GNS: variants seen among roughly 807,000 people sequenced by gnomAD.
GNS encodes glucosamine (N-acetyl)-6-sulfatase.
A neutral mutation model predicts 69.7 loss-of-function variants in GNS; 40 were observed. The observed-to-expected ratio is 0.57, with a 90% confidence interval of 0.45 to 0.75. The LOEUF (loss-of-function observed/expected upper bound fraction) is 0.75, where lower values mean the gene tolerates loss of function less well. Ranked by LOEUF, GNS falls within the 30% of genes least tolerant of loss-of-function variation. GNS has a pLI of 0.00. For synonymous variants in GNS, 243 were observed against 251.6 expected (o/e 0.97, Z 0.32); for missense variants, 565 against 685.5 (o/e 0.82, Z 1.96).
intron 1 of GNS, among the ~76,000 whole-genome samples, chr12:64,757,684 T>G (rs1037028042): frequency 6.6e-6 from 1 of 151,976 alleles, no homozygotes. Context: ...GAAAGAGAGA[T>G]AGATAATGAT....
chr12:64,746,986 CA>C (rs1488026498), intron 3 of GNS, among the ~76,000 whole-genome samples: 5 of 152,310 alleles, frequency 3.3e-5, no homozygotes, highest in African/African-American at 1.2e-4. Flanking sequence ...CTTGAACCCC[CA>C]CTTTAACTGT....
intron 13 of GNS, among the ~76,000 whole-genome samples, chr12:64,719,228 A>T (rs1868950455): frequency 6.6e-6 from 1 of 152,222 alleles, no homozygotes; most frequent in Non-Finnish European, 1.5e-5. Context: ...AATTTAATAC[A>T]AAGACGGCTA....
intron 4 of GNS, 150 bp downstream of exon 4, chr12:64,745,509 T>A (rs896517454): frequency 1.4e-6 from 1 of 707,124 alleles, no homozygotes; most frequent in African/African-American, 1.8e-5. Flanking sequence ...CGTGAGCCAC[T>A]ACACCTGGCC....
chr12:64,740,680 G>A lies in GNS; in HGVS notation c.801C>T (p.His267=), dbSNP rs758411953. The A allele has an allele frequency of 1.9e-6, 3 of 1,541,674 alleles. No individual in the cohort carries two copies. The highest frequency in any genetic ancestry group is 1.7e-5 in the Admixed American group (1 of 59,938). ...GAGTCTTGGCTTGCCTAATTAACCA[G>A]TGCTTGTTCTAAAATTTAGAAGAAA... is the stretch of plus-strand genomic sequence containing the variant. The part of the protein sequence containing the change: ...KNFNIHGTNK[H]WLIRQAKTPM... Residue 267 remains histidine, a synonymous_variant, in exon 7 of 14, where the codon CAC becomes CAT. Transcript: ENST00000258145.
intron 9 of GNS, among the ~76,000 whole-genome samples, chr12:64,735,010 C>T (rs752228826): frequency 2.0e-5 from 3 of 152,134 alleles, no homozygotes; most frequent in Non-Finnish European, 4.4e-5. Context: ...ACTAGGGAGG[C>T]TGGGCAGGAC....
At chr12:64,746,032 T>C (rs776477733) in intron 3 of GNS, 24 of 435,702 alleles carry the variant, frequency 5.5e-5, no homozygotes, top group Non-Finnish European at 8.8e-5. Flanking sequence ...ATGTGACAAT[T>C]ACATAAAATT....
In GNS at chr12:64,723,053, G is replaced by A. The variant is rs1177531995; in HGVS notation, c.1261C>T (p.Arg421Cys). The A allele has an allele frequency of 5.6e-6, 9 of 1,612,948 alleles. No homozygotes were observed. The highest frequency in any genetic ancestry group is 1.7e-4 in the Middle Eastern group (1 of 6,060). Residue 421 changes from arginine to cysteine, a missense_variant, in exon 11 of 14, where the codon CGT becomes TGT. Arg to Cys is a radical substitution (Grantham distance 180). Around this residue, in one of 2 missense-constraint regions of GNS, gnomAD observed 384 missense variants for 511.0 expected, o/e 0.75. Coordinates refer to ENST00000258145, the MANE Select transcript of GNS (RefSeq NM_002076.4). ...GGGCATGTTGGGTCAGTGACGTTAC[G>A]GCCTTCTCCTTGGTATTCCACCAGG... ...DVLVEYQGEG[R>C]NVTDPTCPSL...
chr12:64,741,378 C>T (rs969655237), intron 6 of GNS, among the ~76,000 whole-genome samples: 32 of 151,906 alleles, frequency 2.1e-4, no homozygotes, highest in African/African-American at 7.2e-4. Flanking sequence ...CTGTGCCTCC[C>T]GGGTTCATGC....
At chr12:64,717,003 GCA>G (rs1207251485) in intron 13 of GNS, among the ~76,000 whole-genome samples, 184 bp from the exon 14 acceptor site, 2 of 152,172 alleles carry the variant, frequency 1.3e-5, no homozygotes, top group Non-Finnish European at 1.5e-5. Context: ...TCACCAGTCA[GCA>G]CACACAAAGT....
chr12:64,726,786 G>A (rs764255018), intron 10 of GNS, among the ~76,000 whole-genome samples: 25 of 152,178 alleles, frequency 1.6e-4, no homozygotes, highest in Non-Finnish European at 3.5e-4. Flanking sequence ...GTGAGCCACT[G>A]CACCTGGCTC....
intron 7 of GNS, among the ~76,000 whole-genome samples, 169 bp downstream of exon 7, chr12:64,740,437 G>A (rs79372577): frequency 6.6e-6 from 1 of 152,176 alleles, no homozygotes; most frequent in Non-Finnish European, 1.5e-5. Context: ...ATTCATTTGA[G>A]TGTAAAGGAA....
intron 10 of GNS, 36 bp from the exon 11 acceptor site, chr12:64,723,149 C>T (rs1390233416): frequency 1.7e-6 from 2 of 1,207,608 alleles, no homozygotes; most frequent in Non-Finnish European, 2.5e-6. Flanking sequence ...CTGTGATGCA[C>T]ATAGACTATG....
At chr12:64,734,660 A>C (rs1187569108) in intron 9 of GNS, among the ~76,000 whole-genome samples, 1 of 152,094 alleles carries the variant, frequency 6.6e-6, no homozygotes, top group Non-Finnish European at 1.5e-5. Context: ...CTTCGCATTT[A>C]CCGTCCTGCT....
intron 1 of GNS, among the ~76,000 whole-genome samples, chr12:64,757,846 G>A (rs1243798725): frequency 6.6e-6 from 1 of 152,224 alleles, no homozygotes; most frequent in Non-Finnish European, 1.5e-5. Flanking sequence ...AGGACACTGA[G>A]CTAGGGTGTG....
At chr12:64,728,002 C>T (rs1424547992) in intron 10 of GNS, among the ~76,000 whole-genome samples, 1 of 152,218 alleles carries the variant, frequency 6.6e-6, no homozygotes, top group African/African-American at 2.4e-5. Flanking sequence ...CGGCTCACTG[C>T]AATCTCCACC....
intron 5 of GNS, 42 bp downstream of exon 5, chr12:64,744,767 C>T: frequency 1.1e-6 from 1 of 897,746 alleles, no homozygotes; most frequent in Non-Finnish European, 1.9e-6. Flanking sequence ...CAAATGTGAG[C>T]CAACCCTGTA....
intron 13 of GNS, among the ~76,000 whole-genome samples, chr12:64,717,201 G>A (rs746714470): frequency 6.6e-6 from 1 of 152,154 alleles, no homozygotes; most frequent in Non-Finnish European, 1.5e-5. Flanking sequence ...AAGAGTAGTG[G>A]TGCTGCCAAT....
In GNS at chr12:64,740,697, T is replaced by C. The variant is rs780164582; in HGVS notation, c.793-9A>G. ...ATTAACCAGTGCTTGTTCTAAAATT[T>C]AGAAGAAAAAAAATGTTAACACCAA... On this transcript the variant is annotated splice_polypyrimidine_tract_variant and intron_variant, in intron 6 of 13. Transcript: ENST00000258145. The C allele has an allele frequency of 3.4e-5, 49 of 1,437,482 alleles. No homozygotes were observed. The highest frequency in any genetic ancestry group is 3.9e-6 in the Non-Finnish European group (4 of 1,019,644). The allele number at this position is 1,437,482 out of a possible 1,614,324, so 89.0% of individuals were successfully genotyped here. A position where few individuals can be genotyped will look rare whatever the true frequency, so the allele number is the denominator to read the frequency against.
At chr12:64,740,568 T>TA in intron 7 of GNS, 38 bp downstream of exon 7, 3 of 1,112,206 alleles carry the variant, frequency 2.7e-6, no homozygotes, top group Non-Finnish European at 4.2e-6. Flanking sequence ...GCAGGGTCTT[T>TA]AAAACCACTC....
Sources: allele counts gnomAD v4.1 joint callset (sites outside exome capture counted in the v4.1 genomes callset), GRCh38; gene constraint gnomAD v4.1.1; regional missense constraint gnomAD v4.1.1; transcripts MANE v1.5; gene names NCBI Gene and HGNC (gene_info 2026-07-23, HGNC 2026-07-21).